ANKFN1: variants seen among roughly 807,000 people sequenced by gnomAD.
The protein encoded by ANKFN1 is ankyrin repeat and fibronectin type-III domain-containing protein 1.
In ANKFN1, 74 loss-of-function variants were observed where a neutral mutation model predicts 108.7. That is an observed-to-expected ratio of 0.68 (90% CI 0.56 to 0.83). The LOEUF is 0.83. ANKFN1 is among the 40% of genes least tolerant of loss of function. ANKFN1 has a pLI of 0.00. For missense variants in ANKFN1, 1,505 were observed against 1,382.3 expected (o/e 1.09, Z -1.41); for synonymous variants, 547 against 516.2 (o/e 1.06, Z -0.81).
chr17:56,121,678 G>A (rs1259986677), intron 4 of ANKFN1, among the ~76,000 whole-genome samples: 1 of 151,996 alleles, frequency 6.6e-6, no homozygotes, highest in Non-Finnish European at 1.5e-5. Context: ...TTGGTAGGTT[G>A]GACAGTTGTC....
chr17:56,396,041 A>AG lies in ANKFN1; in HGVS notation c.910+21327_910+21328insG, dbSNP rs528559902. Among the ~76,000 whole-genome samples, 63 of 151,974 alleles carry AG rather than the reference A, an allele frequency of 4.1e-4. 2 individuals carry two copies. Among genetic ancestry groups the AG allele is most frequent in the Admixed American group, 3.7e-3 (57 of 15,276 alleles). On this transcript the variant is annotated intron_variant, in intron 8 of 20. Coordinates refer to ENST00000682825, the MANE Select transcript of ANKFN1 (RefSeq NM_001370326.1). ...TGGAACAAAATGAAAACAAAACAAA[A>AG]CAAAACAAAAAAAACAAAAAAATGC... is the stretch of plus-strand genomic sequence containing the variant.
chr17:56,407,727 T>A (rs2047963279), intron 8 of ANKFN1, among the ~76,000 whole-genome samples: 1 of 152,168 alleles, frequency 6.6e-6, no homozygotes, highest in Non-Finnish European at 1.5e-5. Flanking sequence ...AAAGAATATT[T>A]GGCTACATTA....
intron 8 of ANKFN1, among the ~76,000 whole-genome samples, chr17:56,425,208 G>A (rs2145079980): frequency 6.6e-6 from 1 of 152,102 alleles, no homozygotes; most frequent in South Asian, 2.1e-4. Flanking sequence ...CAAATATTTG[G>A]GTTTACATAG....
intron 18 of ANKFN1, among the ~76,000 whole-genome samples, chr17:56,486,518 A>G (rs534997807): frequency 9.3e-4 from 141 of 152,318 alleles, no homozygotes; most frequent in African/African-American, 3.2e-3. Flanking sequence ...GTTTATCATA[A>G]CTACTTCCTC....
intron 4 of ANKFN1, among the ~76,000 whole-genome samples, chr17:56,126,538 G>T (rs1906944697): frequency 6.6e-6 from 1 of 152,154 alleles, no homozygotes; most frequent in Admixed American, 6.5e-5. Context: ...GTGGCTGCTG[G>T]CGTCGGCCAC....
intron 4 of ANKFN1, among the ~76,000 whole-genome samples, chr17:56,126,143 G>C (rs891744524): frequency 6.6e-6 from 1 of 152,210 alleles, no homozygotes; most frequent in Non-Finnish European, 1.5e-5. Context: ...AAAGCTGCTG[G>C]TGATGCCCAG....
intron 4 of ANKFN1, among the ~76,000 whole-genome samples, chr17:56,344,882 G>GT (rs2046057029): frequency 6.6e-6 from 1 of 151,694 alleles, no homozygotes; most frequent in Admixed American, 6.6e-5. Flanking sequence ...TTGTTTGCGT[G>GT]TTTTTTAATT....
At chr17:56,398,204 A>C (rs2047644292) in intron 8 of ANKFN1, among the ~76,000 whole-genome samples, 1 of 152,212 alleles carries the variant, frequency 6.6e-6, no homozygotes, top group Non-Finnish European at 1.5e-5. Context: ...AAACCCAATG[A>C]GTAGCCCAGT....
chr17:56,257,051 T>G (rs984336956), intron 3 of ANKFN1, among the ~76,000 whole-genome samples: 1 of 152,198 alleles, frequency 6.6e-6, no homozygotes, highest in Non-Finnish European at 1.5e-5. Context: ...CACTTAACTG[T>G]GGGTTATTGA....
chr17:56,101,491 T>C (rs942487591), intron 4 of ANKFN1, among the ~76,000 whole-genome samples: 1 of 152,230 alleles, frequency 6.6e-6, no homozygotes, highest in Non-Finnish European at 1.5e-5. Flanking sequence ...TCTCAGCAAC[T>C]CATACTTTAA....
chr17:56,280,686 A>T (rs2044056890), intron 3 of ANKFN1, among the ~76,000 whole-genome samples: 1 of 151,712 alleles, frequency 6.6e-6, no homozygotes, highest in Non-Finnish European at 1.5e-5. Context: ...AACCCTGGCT[A>T]ATACAAAATC....
At chr17:56,393,781 G>A (rs1053320305) in intron 8 of ANKFN1, among the ~76,000 whole-genome samples, 12 of 152,158 alleles carry the variant, frequency 7.9e-5, no homozygotes, top group African/African-American at 2.9e-4. Context: ...CATTCAACAA[G>A]CACCACTGAA....
At chr17:56,168,160 T>C (rs1228460072) in intron 1 of ANKFN1, among the ~76,000 whole-genome samples, 1 of 150,732 alleles carries the variant, frequency 6.6e-6, no homozygotes, top group Non-Finnish European at 1.5e-5. Context: ...CCAGCTACTC[T>C]GGAGGCTGAG....
At chr17:56,426,099 C>G (rs1297106252) in intron 8 of ANKFN1, among the ~76,000 whole-genome samples, 1 of 152,168 alleles carries the variant, frequency 6.6e-6, no homozygotes, top group Non-Finnish European at 1.5e-5. Context: ...TATTTGGAAG[C>G]TATTATGTAT....
intron 8 of ANKFN1, among the ~76,000 whole-genome samples, chr17:56,433,521 T>C (rs547523354): frequency 6.6e-6 from 1 of 152,220 alleles, no homozygotes; most frequent in South Asian, 2.1e-4. Context: ...ATTAATGGCA[T>C]TTGCAGCAAC....
intron 4 of ANKFN1, among the ~76,000 whole-genome samples, chr17:56,339,664 C>A (rs1481850416): frequency 6.6e-6 from 1 of 152,124 alleles, no homozygotes; most frequent in Non-Finnish European, 1.5e-5. Context: ...GCATAGTATT[C>A]CATGTTATAT....
At chr17:56,348,280 C>T (rs1339273249) in intron 4 of ANKFN1, among the ~76,000 whole-genome samples, 1 of 152,086 alleles carries the variant, frequency 6.6e-6, no homozygotes, top group Non-Finnish European at 1.5e-5. Flanking sequence ...ACAGACAATG[C>T]TTGGCATCAT....
At chr17:56,326,471 C>T in intron 4 of ANKFN1, 116 bp downstream of exon 4, 1 of 1,336,428 alleles carries the variant, frequency 7.5e-7, no homozygotes, top group Admixed American at 2.8e-5. Flanking sequence ...AAATCTGCAT[C>T]TTCCAAAGTT....
At chr17:56,315,453 C>G (rs1005460012) in intron 3 of ANKFN1, among the ~76,000 whole-genome samples, 3 of 152,208 alleles carry the variant, frequency 2.0e-5, no homozygotes, top group African/African-American at 7.2e-5. Flanking sequence ...TAAGAGAAGA[C>G]TATGCTAGCT....
Sources: allele counts gnomAD v4.1 joint callset (sites outside exome capture counted in the v4.1 genomes callset), GRCh38; gene constraint gnomAD v4.1.1; transcripts MANE v1.5; gene names NCBI Gene and HGNC (gene_info 2026-07-23, HGNC 2026-07-21).